Variants in EXOC6B observed in about 807,000 individuals in gnomAD.
The protein encoded by EXOC6B is exocyst complex component 6B, also known as SEC15 homolog B.
A neutral mutation model predicts 113.5 loss-of-function variants in EXOC6B; 54 were observed. The observed-to-expected ratio is 0.48, with a 90% confidence interval of 0.38 to 0.60. EXOC6B has a LOEUF of 0.60. Ranked by LOEUF, EXOC6B falls within the 20% of genes least tolerant of loss-of-function variation. The probability of loss-of-function intolerance (pLI) is 0.00; values close to 1 mark genes in which losing one functional copy is unlikely to be tolerated. For missense variants in EXOC6B, 797 were observed against 977.5 expected (o/e 0.82, Z 2.46); for synonymous variants, 357 against 339.0 (o/e 1.05, Z -0.58).
chr2:72,357,121 T>C (rs993848836), intron 19 of EXOC6B, among the ~76,000 whole-genome samples: 2 of 152,228 alleles, frequency 1.3e-5, no homozygotes, highest in Non-Finnish European at 2.9e-5. Flanking sequence ...ACAGGTGTTT[T>C]ATCATCTGAC....
chr2:72,332,808 G>C (rs920823022), intron 20 of EXOC6B, among the ~76,000 whole-genome samples: 9 of 152,124 alleles, frequency 5.9e-5, no homozygotes, highest in African/African-American at 2.2e-4. Flanking sequence ...TTTAGAGTTT[G>C]AACATCTCTG....
chr2:72,268,746 T>C (rs1684293304), intron 20 of EXOC6B, among the ~76,000 whole-genome samples: 1 of 152,002 alleles, frequency 6.6e-6, no homozygotes, highest in East Asian at 1.9e-4. Flanking sequence ...TGAAATCTGG[T>C]TATTTAAAGG....
chr2:72,405,945 A>G (rs533026565), intron 18 of EXOC6B, among the ~76,000 whole-genome samples: 1 of 152,330 alleles, frequency 6.6e-6, no homozygotes, highest in Non-Finnish European at 1.5e-5. Flanking sequence ...AGTGTGCTGC[A>G]TTCAGGAAAC....
intron 8 of EXOC6B, among the ~76,000 whole-genome samples, chr2:72,532,477 A>G (rs1252233951): frequency 6.6e-6 from 1 of 152,168 alleles, no homozygotes; most frequent in African/African-American, 2.4e-5. Context: ...AATTCAATTT[A>G]ATAATTTTAC....
At chr2:72,822,185 T>C (rs1686619584) in intron 1 of EXOC6B, among the ~76,000 whole-genome samples, 1 of 152,316 alleles carries the variant, frequency 6.6e-6, no homozygotes, top group South Asian at 2.1e-4. Context: ...AAATGATTTG[T>C]CATCAAAATT....
chr2:72,603,867 A>G (rs2104020177), intron 6 of EXOC6B, among the ~76,000 whole-genome samples: 2 of 152,152 alleles, frequency 1.3e-5, no homozygotes, highest in East Asian at 3.9e-4. Flanking sequence ...TTCCTGAAAG[A>G]CCACAGAGAT....
chr2:72,597,388 T>C (rs1290950270), intron 6 of EXOC6B, among the ~76,000 whole-genome samples: 1 of 151,790 alleles, frequency 6.6e-6, no homozygotes, highest in Non-Finnish European at 1.5e-5. Context: ...TTAGATTAAT[T>C]ATAAATGGAT....
intron 6 of EXOC6B, among the ~76,000 whole-genome samples, chr2:72,717,014 A>G (rs920711390): frequency 6.6e-6 from 1 of 152,200 alleles, no homozygotes; most frequent in East Asian, 1.9e-4. Context: ...GCTAAGGTAT[A>G]TTGTCACTGA....
chr2:72,596,334 C>T (rs994245317), intron 6 of EXOC6B, among the ~76,000 whole-genome samples: 1 of 152,110 alleles, frequency 6.6e-6, no homozygotes, highest in African/African-American at 2.4e-5. Flanking sequence ...CCCCTGGTGC[C>T]TACCCAGTAA....
chr2:72,750,618 G>A (rs1470299259), intron 1 of EXOC6B, among the ~76,000 whole-genome samples: 8 of 152,102 alleles, frequency 5.3e-5, no homozygotes, highest in African/African-American at 1.7e-4. Context: ...TGCCTATCTG[G>A]TGTTAGCTCT....
chr2:72,764,364 C>CTTTTTTTTTTTTTTTTTT (rs397869115), intron 1 of EXOC6B, among the ~76,000 whole-genome samples: 1 of 66,770 alleles, frequency 1.5e-5, no homozygotes, highest in African/African-American at 5.2e-5. Context: ...TATTTTCTCT[C>CTTTTTTTTTTTTTTTTTT]TTTTTTTTTT....
At chr2:72,386,540 C>G (rs1012405044) in intron 18 of EXOC6B, among the ~76,000 whole-genome samples, 5 of 152,178 alleles carry the variant, frequency 3.3e-5, no homozygotes, top group Non-Finnish European at 7.4e-5. Context: ...TGTGCAGCCT[C>G]AAGACACTGT....
intron 6 of EXOC6B, among the ~76,000 whole-genome samples, chr2:72,695,317 C>T (rs1352072989): frequency 3.9e-5 from 6 of 152,110 alleles, no homozygotes; most frequent in African/African-American, 1.4e-4. Flanking sequence ...GTATGAAAAG[C>T]CAAAGAACTC....
chr2:72,767,816 A>AAAAAAAAAAAAAAAAAAAAAAC (rs1683168516), intron 1 of EXOC6B, among the ~76,000 whole-genome samples: 1 of 133,962 alleles, frequency 7.5e-6, no homozygotes, highest in Non-Finnish European at 1.6e-5. Flanking sequence ...GTTAAAAAAA[A>AAAAAAAAAAAAAAAAAAAAAAC]AAAAAAAAAA....
At chr2:72,602,064 T>C (rs1434672596) in intron 6 of EXOC6B, among the ~76,000 whole-genome samples, 1 of 152,142 alleles carries the variant, frequency 6.6e-6, no homozygotes, top group African/African-American at 2.4e-5. Flanking sequence ...GTGGTCTAGG[T>C]CTCTTATAAA....
rs112840816 is a variant in EXOC6B at position 72,458,886 on chromosome 2, A to C, written c.1980+6274T>G. On this transcript the variant is annotated intron_variant, in intron 18 of 21. Coordinates refer to ENST00000272427, the MANE Select transcript of EXOC6B (RefSeq NM_015189.3). ...TGAAATGGGGACAGGTGGGCTGGCA[A>C]AAGCAATTAAAAAATATAAATTAGT... is the stretch of plus-strand genomic sequence containing the variant. Among the ~76,000 whole-genome samples the C allele has an allele frequency of 3.5e-3, 526 of 151,488 alleles. 2 individuals carry two copies. Among genetic ancestry groups the C allele is most frequent in the African/African-American group, 0.012 (499 of 41,494 alleles).
intron 6 of EXOC6B, among the ~76,000 whole-genome samples, chr2:72,654,142 T>C (rs975276615): frequency 2.6e-5 from 4 of 152,046 alleles, no homozygotes; most frequent in African/African-American, 9.7e-5. Context: ...GCTAATTTTT[T>C]TGTGTTTTTA....
chr2:72,305,719 C>T (rs1686813078), intron 20 of EXOC6B, among the ~76,000 whole-genome samples: 1 of 151,978 alleles, frequency 6.6e-6, no homozygotes, highest in Non-Finnish European at 1.5e-5. Flanking sequence ...TATAAAGTTT[C>T]ACTCTAATGT....
chr2:72,206,739 A>G (rs1679864808), intron 20 of EXOC6B, among the ~76,000 whole-genome samples: 2 of 152,250 alleles, frequency 1.3e-5, no homozygotes, highest in South Asian at 4.1e-4. Flanking sequence ...GATACACTTT[A>G]TAATAAAGAG....
Sources: gnomAD v4.1 joint callset for allele counts (sites outside exome capture counted in the v4.1 genomes callset) on GRCh38, gnomAD v4.1.1 for gene constraint, MANE v1.5 for transcripts, NCBI Gene and HGNC (gene_info 2026-07-23, HGNC 2026-07-21) for gene names.